PSME4: variants seen among roughly 807,000 people sequenced by gnomAD.
The protein encoded by PSME4 is proteasome activator subunit 4.
A neutral mutation model predicts 253.9 loss-of-function variants in PSME4; 89 were observed. The ratio of observed to expected loss-of-function variants is 0.35; its 90% CI spans 0.30 to 0.42. The LOEUF is 0.42. Among genes scored for constraint, PSME4 ranks in the 10% least tolerant of loss-of-function variants. PSME4 has a pLI of 1.00. For synonymous variants in PSME4, 851 were observed against 759.2 expected, an observed-to-expected ratio of 1.12 and a Z score of -1.99; for missense variants, 2,014 against 2,195.2, an observed-to-expected ratio of 0.92 and a Z score of 1.65.
chr2:53,926,889 G>T (rs1668579914), intron 12 of PSME4, among the ~76,000 whole-genome samples: 1 of 150,640 alleles, frequency 6.6e-6, no homozygotes, highest in Non-Finnish European at 1.5e-5. Context: ...CAGGAGAATT[G>T]CTTGAACCAG....
Position 53,896,704 on chromosome 2 carries a change from T to C in PSME4, c.3688+100A>G, listed in dbSNP as rs901249170. On this transcript the variant is annotated intron_variant, in intron 32 of 46. Transcript: ENST00000404125. ...TATTTATATTTTGTGTTAATATCCA[T>C]AGAACAATATTTGAGGTCAAGAACT... 14 of 864,494 alleles carry C rather than the reference T, an allele frequency of 1.6e-5. No individual in the cohort carries two copies. In the East Asian group the frequency reaches 2.0e-4, roughly 12 times the overall value. The allele number at this position is 864,494 out of a possible 1,614,324, so 53.6% of individuals were successfully genotyped here. A position where few individuals can be genotyped will look rare whatever the true frequency, so the allele number is the denominator to read the frequency against.
At position 53,940,875 on chromosome 2, in the gene PSME4, A is replaced by AATATATATAATACATATTTAAAT. The variant is rs1669363967; in HGVS notation, c.501-898_501-876dup. Among the ~76,000 whole-genome samples the AATATATATAATACATATTTAAAT allele has an allele frequency of 4.9e-5, 5 of 102,620 alleles. No individual in the cohort carries two copies. The South Asian group carries it at 1.6e-3, about 32-fold the overall frequency. 67.3% of individuals were successfully genotyped at this position (102,620 alleles called of 152,430 possible). On this transcript the variant is annotated intron_variant, in intron 3 of 46. Coordinates refer to ENST00000404125, the MANE Select transcript of PSME4 (RefSeq NM_014614.3). ...TTTATATATATATAATATATATTTAAATATATATAATACATATTTAAATAT... is the reference window on the plus strand; with the variant it reads ...TTTATATATATATAATATATATTTAAATATATATAATACATATTTAAATATATATATAATACATATTTAAATAT...
At chr2:53,953,194 G>A (rs188713400) in intron 1 of PSME4, among the ~76,000 whole-genome samples, 1 of 151,842 alleles carries the variant, frequency 6.6e-6, no homozygotes, top group Non-Finnish European at 1.5e-5. Context: ...TTTTAAAAGG[G>A]CACAAAAGTT....
intron 3 of PSME4, among the ~76,000 whole-genome samples, chr2:53,945,261 T>C (rs1335666451): frequency 6.6e-6 from 1 of 152,230 alleles, no homozygotes; most frequent in African/African-American, 2.4e-5. Context: ...TATGGGACAT[T>C]GTTTTATAAA....
chr2:53,888,166 C>T, intron 38 of PSME4, 177 bp from the exon 39 acceptor site: 5 of 523,484 alleles, frequency 9.6e-6, no homozygotes, highest in Non-Finnish European at 1.5e-5. Flanking sequence ...TTTCCTATAT[C>T]ATTTTCTCTG....
Position 53,890,131 on chromosome 2 carries a change from G to A in PSME4, c.4269C>T (p.Asp1423=), listed in dbSNP as rs1679836782. The change falls in exon 37 of 47, where the codon GAC becomes GAT. Residue 1423 remains aspartate (D), a synonymous_variant. Transcript: ENST00000404125. ...LSNITVETYN[D]WGACIATSCE... is the part of the protein sequence containing the mutation. ...AGGATGTTGCTATACAAGCTCCCCA[G>A]TCATTATAAGTTTCTACGGTAATAT... The A allele has an allele frequency of 6.2e-7, 1 of 1,613,716 alleles. No individual in the cohort carries two copies. Among genetic ancestry groups the A allele is most frequent in the African/African-American group, 1.3e-5 (1 of 75,022 alleles).
At chr2:53,894,890 C>T in intron 34 of PSME4, 117 bp downstream of exon 34, 2 of 909,784 alleles carry the variant, frequency 2.2e-6, no homozygotes, top group Non-Finnish European at 3.4e-6. Context: ...CAGTGCTATA[C>T]AGAAAAACAC....
chr2:53,898,929 TACA>T, intron 29 of PSME4, among the ~76,000 whole-genome samples: 1 of 152,246 alleles, frequency 6.6e-6, no homozygotes, highest in Middle Eastern at 3.4e-3. Context: ...TATTAAATGA[TACA>T]TCTGCTAAAC....
chr2:53,954,201 G>A (rs574169525), intron 1 of PSME4, among the ~76,000 whole-genome samples: 11 of 152,248 alleles, frequency 7.2e-5, no homozygotes, highest in Non-Finnish European at 1.2e-4. Context: ...GGCGGCACGC[G>A]CCTGCAAACC....
chr2:53,921,887 T>G (rs1449228084), intron 17 of PSME4, among the ~76,000 whole-genome samples: 8 of 105,770 alleles, frequency 7.6e-5, no homozygotes, highest in East Asian at 3.2e-4. Context: ...AAAACTGAAG[T>G]TTGGGCCAGG....
intron 4 of PSME4, among the ~76,000 whole-genome samples, chr2:53,939,598 A>G (rs567832094): frequency 3.3e-4 from 50 of 152,298 alleles, no homozygotes; most frequent in African/African-American, 9.4e-4. Flanking sequence ...AGAATATGGG[A>G]TATTTAAATA....
At chr2:53,969,148 T>C (rs1173817414) in intron 1 of PSME4, among the ~76,000 whole-genome samples, 1 of 152,174 alleles carries the variant, frequency 6.6e-6, no homozygotes, top group Admixed American at 6.6e-5. Context: ...TTATAAAATA[T>C]TCTTTTTTGA....
At position 53,888,540 on chromosome 2, in the gene PSME4, C is replaced by T. The variant is rs191579665; in HGVS notation, c.4388+181G>A. On this transcript the variant is annotated intron_variant, in intron 38 of 46. Transcript: ENST00000404125. ...GGTTGCCTACATCTCACTTACTTGTCCAACTAATAAATAACTCTTATTAAG... is the reference window on the plus strand; with the variant it reads ...GGTTGCCTACATCTCACTTACTTGTTCAACTAATAAATAACTCTTATTAAG... Among the ~76,000 whole-genome samples, 410 of 152,268 alleles carry T rather than the reference C, an allele frequency of 2.7e-3. 2 individuals carry two copies. Among genetic ancestry groups the T allele is most frequent in the African/African-American group, 9.4e-3 (390 of 41,554 alleles).
intron 17 of PSME4, 77 bp downstream of exon 17, chr2:53,922,437 ATTT>A: frequency 6.9e-7 from 1 of 1,456,980 alleles, no homozygotes; most frequent in Non-Finnish European, 9.5e-7. Flanking sequence ...TTTTAAAGTC[ATTT>A]TGTCAGAAAG....
chr2:53,889,788 T>C lies in PSME4; in HGVS notation c.4296+316A>G, dbSNP rs1335593510. ...CAAATACATGACTGTCACTTAATTT[T>C]AAAATGCATTACCACAGCAGAGAAG... On this transcript the variant is annotated intron_variant, in intron 37 of 46. Coordinates refer to ENST00000404125, the MANE Select transcript of PSME4 (RefSeq NM_014614.3). 2.0e-5 allele frequency among the ~76,000 whole-genome samples: 3 copies of C among 152,220 alleles called. No homozygotes were observed. The East Asian group carries it at 5.8e-4, about 29-fold the overall frequency.
chr2:53,953,168 T>C (rs1670075294), intron 1 of PSME4, among the ~76,000 whole-genome samples: 1 of 152,162 alleles, frequency 6.6e-6, no homozygotes, highest in South Asian at 2.1e-4. Flanking sequence ...TATCAAAATA[T>C]GGTGCAAGAG....
intron 3 of PSME4, among the ~76,000 whole-genome samples, chr2:53,946,702 G>A (rs1669723978): frequency 6.6e-6 from 1 of 152,082 alleles, no homozygotes; most frequent in African/African-American, 2.4e-5. Flanking sequence ...TCAAGACCAG[G>A]CTGGGCAACA....
At chr2:53,880,564 A>G (rs1679335948) in intron 41 of PSME4, among the ~76,000 whole-genome samples, 1 of 152,252 alleles carries the variant, frequency 6.6e-6, no homozygotes, top group African/African-American at 2.4e-5. Flanking sequence ...TAAATTTTTA[A>G]ACGATGGTAC....
chr2:53,963,995 T>C (rs1455490582), intron 1 of PSME4, among the ~76,000 whole-genome samples: 10 of 152,192 alleles, frequency 6.6e-5, no homozygotes. Flanking sequence ...TATTGTCTTT[T>C]GAATATTTGA....
Sources: allele counts gnomAD v4.1 joint callset (sites outside exome capture counted in the v4.1 genomes callset), GRCh38; gene constraint gnomAD v4.1.1; transcripts MANE v1.5; gene names NCBI Gene and HGNC (gene_info 2026-07-23, HGNC 2026-07-21).